DOCK2: variants seen among roughly 807,000 people sequenced by gnomAD.
DOCK2 encodes the protein dedicator of cytokinesis protein 2.
Under a neutral mutation model 248.9 loss-of-function variants are expected in DOCK2, and 87 were observed. That is an observed-to-expected ratio of 0.35 (90% CI 0.29 to 0.42). The LOEUF is 0.42. DOCK2 is among the 10% of genes least tolerant of loss of function. DOCK2 has a pLI of 1.00. For missense variants in DOCK2, 1,747 were observed against 2,300.2 expected (o/e 0.76, Z 4.92); for synonymous variants, 805 against 821.6 (o/e 0.98, Z 0.35).
chr5:170,075,685 T>C, intron 46 of DOCK2: 1 of 391,002 alleles, frequency 2.6e-6, no homozygotes, highest in Non-Finnish European at 4.7e-6. Flanking sequence ...CCATGTGGCC[T>C]TTCATGGGGA....
chr5:169,971,667 A>G (rs554167834), intron 27 of DOCK2, among the ~76,000 whole-genome samples: 5 of 152,306 alleles, frequency 3.3e-5, no homozygotes, highest in South Asian at 4.1e-4. Context: ...AATGAAGAGC[A>G]AGGACTTTGG....
rs760011972 is a variant in DOCK2 at position 169,714,438 on chromosome 5, A to T, written c.1922A>T (p.Asp641Val). 1.2e-6 allele frequency: 2 copies of T among 1,613,902 alleles called. No individual in the cohort carries two copies. Among genetic ancestry groups the T allele is most frequent in the African/African-American group, 1.3e-5 (1 of 74,890 alleles). The part of the protein sequence containing the change: ...QENLEKLKIV[D>V]GEEVVKFLQD... The stretch of plus-strand genomic sequence containing the variant: ...AATTTAGAAAAGTTGAAGATTGTGG[A>T]TGGAGAGGAAGTGGTGAAGGTCAGT... Residue 641 changes from aspartate (D) to valine (V), a missense_variant, in exon 19 of 52, where the codon GAT becomes GTT. Asp to Val is a radical substitution (Grantham distance 152, BLOSUM62 -3). This residue lies in a region of DOCK2 where 858 missense variants were observed against 1,183.5 expected (regional missense o/e 0.72). Coordinates refer to ENST00000520908, the MANE Select transcript of DOCK2 (RefSeq NM_004946.3).
At chr5:170,020,144 T>C (rs1340694964) in intron 33 of DOCK2, among the ~76,000 whole-genome samples, 2 of 152,084 alleles carry the variant, frequency 1.3e-5, no homozygotes, top group African/African-American at 2.4e-5. Flanking sequence ...GTCTCAGCCA[T>C]CCTCTCCAAC....
chr5:170,036,693 G>C, intron 36 of DOCK2, 138 bp downstream of exon 36: 1 of 790,684 alleles, frequency 1.3e-6, no homozygotes. Flanking sequence ...TCTGATTCCT[G>C]TCAATTTCTC....
intron 2 of DOCK2, among the ~76,000 whole-genome samples, chr5:169,664,796 G>T (rs1163558980): frequency 1.3e-5 from 2 of 152,040 alleles, no homozygotes; most frequent in Non-Finnish European, 2.9e-5. Context: ...ATTAAAATTT[G>T]GTATGAGATT....
At chr5:169,737,538 C>A (rs912697934) in intron 22 of DOCK2, among the ~76,000 whole-genome samples, 1 of 152,092 alleles carries the variant, frequency 6.6e-6, no homozygotes, top group African/African-American at 2.4e-5. Context: ...CCTGGAAACC[C>A]TTAGGTAGTT....
At chr5:169,888,786 G>A (rs1934592967) in intron 27 of DOCK2, among the ~76,000 whole-genome samples, 1 of 152,214 alleles carries the variant, frequency 6.6e-6, no homozygotes, top group African/African-American at 2.4e-5. Flanking sequence ...AGGATAGTCA[G>A]TGTTCACTCT....
In DOCK2 at chr5:169,712,233, G is replaced by A; in HGVS notation, c.1659+10G>A. The stretch of plus-strand genomic sequence containing the variant: ...CTTAGTTGTCCTCAAGGTACCATGA[G>A]TTGGAAGGAGCTCTGCACTGAGGGG... On this transcript the variant is annotated intron_variant, in intron 17 of 51. Transcript: ENST00000520908. The A allele has an allele frequency of 1.2e-6, 2 of 1,613,368 alleles. No individual in the cohort carries two copies. The highest frequency in any genetic ancestry group is 1.7e-6 in the Non-Finnish European group (2 of 1,179,338).
At chr5:170,023,877 A>G (rs1391983868) in intron 33 of DOCK2, among the ~76,000 whole-genome samples, 1 of 152,206 alleles carries the variant, frequency 6.6e-6, no homozygotes, top group Non-Finnish European at 1.5e-5. Context: ...CACTCCCCAA[A>G]TCTCATACTT....
chr5:169,892,022 A>T (rs1773325796), intron 27 of DOCK2, among the ~76,000 whole-genome samples: 1 of 151,948 alleles, frequency 6.6e-6, no homozygotes, highest in Admixed American at 6.6e-5. Flanking sequence ...AGAAAAAGAA[A>T]AAAGAAAAGA....
intron 39 of DOCK2, 45 bp from the exon 40 acceptor site, chr5:170,047,465 T>C (rs368386888): frequency 3.2e-6 from 5 of 1,575,296 alleles, no homozygotes; most frequent in Non-Finnish European, 4.3e-6. Flanking sequence ...GAATGTGCCT[T>C]TGATACACAT....
intron 45 of DOCK2, among the ~76,000 whole-genome samples, 197 bp downstream of exon 45, chr5:170,067,883 C>A (rs1385847238): frequency 6.6e-6 from 1 of 152,178 alleles, no homozygotes; most frequent in Admixed American, 6.5e-5. Flanking sequence ...CTCCCAGCCT[C>A]TTTTCCATAC....
At position 169,814,117 on chromosome 5, in the gene DOCK2, A is replaced by G. The variant is rs75070678; in HGVS notation, c.2703+10911A>G. 6.2e-3 allele frequency among the ~76,000 whole-genome samples: 943 copies of G among 152,340 alleles called. 28 individuals carry two copies. In the East Asian group the frequency reaches 0.066, roughly 11 times the overall value. On this transcript the variant is annotated intron_variant, in intron 26 of 51. Coordinates refer to ENST00000520908, the MANE Select transcript of DOCK2 (RefSeq NM_004946.3). ...TGCATAATCTCAAAGTGTCTTCCCA[A>G]AGTATCCACTGATTAATGGCACAGG...
intron 27 of DOCK2, among the ~76,000 whole-genome samples, chr5:169,940,547 C>CTTGTTTT (rs1474639707): frequency 1.3e-5 from 2 of 152,066 alleles, no homozygotes; most frequent in East Asian, 3.8e-4. Flanking sequence ...TCAATGGGAA[C>CTTGTTTT]CCTGAGCTTG....
intron 27 of DOCK2, among the ~76,000 whole-genome samples, chr5:169,940,435 G>A (rs563776800): frequency 1.3e-5 from 2 of 152,206 alleles, no homozygotes; most frequent in African/African-American, 4.8e-5. Flanking sequence ...CACAGACCGG[G>A]AGGAGGATTC....
chr5:170,079,950 G>C (rs6879798), intron 49 of DOCK2: 265,580 of 579,596 alleles, frequency 0.46, 62,941 homozygotes, highest in Middle Eastern at 0.51. Flanking sequence ...ATGAATGTCC[G>C]CCACCCCCGC....
intron 26 of DOCK2, among the ~76,000 whole-genome samples, chr5:169,838,445 G>A (rs888138115): frequency 2.6e-5 from 4 of 152,216 alleles, no homozygotes; most frequent in Non-Finnish European, 4.4e-5. Flanking sequence ...GGGCATTTAG[G>A]AAGCACTAAA....
chr5:170,001,474 G>C (rs776445971), intron 30 of DOCK2, among the ~76,000 whole-genome samples: 28 of 152,142 alleles, frequency 1.8e-4, no homozygotes, highest in Non-Finnish European at 2.9e-4. Context: ...TACAAGTCCT[G>C]GAGTCAGATA....
chr5:169,883,151 G>A (rs1403856782), intron 27 of DOCK2: 1 of 1,551,640 alleles, frequency 6.4e-7, no homozygotes, highest in Non-Finnish European at 8.7e-7. Context: ...TCTGAATCTA[G>A]TGGAGTCACC....
Sources: gnomAD v4.1 joint callset for allele counts (sites outside exome capture counted in the v4.1 genomes callset) on GRCh38, gnomAD v4.1.1 for gene constraint, gnomAD v4.1.1 regional missense constraint, MANE v1.5 for transcripts, NCBI Gene and HGNC (gene_info 2026-07-23, HGNC 2026-07-21) for gene names.